SYT1: variants seen among roughly 807,000 people sequenced by gnomAD.
SYT1 encodes synaptotagmin 1, also known as synaptotagmin-1.
A neutral mutation model predicts 44.8 loss-of-function variants in SYT1; 8 were observed. The observed-to-expected ratio is 0.18, with a 90% CI of 0.10 to 0.32. The LOEUF is 0.32. Among genes scored for constraint, SYT1 ranks in the 10% least tolerant of loss-of-function variants. The pLI, the probability that SYT1 is intolerant of heterozygous loss-of-function variation, is 1.00. For missense variants in SYT1, 286 were observed against 509.3 expected (o/e 0.56, Z 4.22); for synonymous variants, 154 against 188.8 (o/e 0.82, Z 1.51).
chr12:78,882,063 A>C (rs1337371454), intron 1 of SYT1, among the ~76,000 whole-genome samples: 4 of 151,748 alleles, frequency 2.6e-5, no homozygotes, highest in African/African-American at 9.7e-5. Flanking sequence ...GCCACTAAGA[A>C]CATAAACCAT....
chr12:78,948,053 A>G (rs1306863688), intron 1 of SYT1, among the ~76,000 whole-genome samples: 1 of 151,886 alleles, frequency 6.6e-6, no homozygotes, highest in Non-Finnish European at 1.5e-5. Flanking sequence ...AGTTATGGAA[A>G]AAGATACAAA....
At chr12:79,248,094 C>G (rs985535289) in intron 4 of SYT1, among the ~76,000 whole-genome samples, 1 of 152,218 alleles carries the variant, frequency 6.6e-6, no homozygotes, top group African/African-American at 2.4e-5. Context: ...CCATTTAAAT[C>G]TTCCTTAGGA....
intron 3 of SYT1, among the ~76,000 whole-genome samples, chr12:79,113,081 C>T (rs552993056): frequency 2.0e-5 from 3 of 152,162 alleles, no homozygotes; most frequent in Non-Finnish European, 4.4e-5. Flanking sequence ...AAAATGTATT[C>T]GACATAAAAG....
At chr12:78,900,500 G>A (rs1592538089) in intron 1 of SYT1, among the ~76,000 whole-genome samples, 1 of 151,974 alleles carries the variant, frequency 6.6e-6, no homozygotes, top group South Asian at 2.1e-4. Flanking sequence ...ATGACAAGAT[G>A]CCAGCCATTA....
At chr12:79,007,758 G>T (rs769079368) in intron 2 of SYT1, among the ~76,000 whole-genome samples, 10 of 152,066 alleles carry the variant, frequency 6.6e-5, no homozygotes, top group Non-Finnish European at 1.3e-4. Flanking sequence ...AGATTTGAGA[G>T]CTCAATTCTC....
At chr12:79,050,986 T>C (rs546622582) in intron 3 of SYT1, among the ~76,000 whole-genome samples, 83 of 152,150 alleles carry the variant, frequency 5.5e-4, no homozygotes, top group Non-Finnish European at 1.0e-3. Context: ...TATTATCATT[T>C]ATATATGGCC....
At chr12:79,346,874 C>T (rs1882631156) in intron 8 of SYT1, among the ~76,000 whole-genome samples, 1 of 152,018 alleles carries the variant, frequency 6.6e-6, no homozygotes, top group Non-Finnish European at 1.5e-5. Context: ...GTATATAGTC[C>T]CTGCTCTTCT....
chr12:78,865,668 T>G (rs1873502101), intron 1 of SYT1, among the ~76,000 whole-genome samples: 1 of 151,918 alleles, frequency 6.6e-6, no homozygotes, highest in Non-Finnish European at 1.5e-5. Context: ...CAGTCCAGCT[T>G]GGGCTGTCAG....
At chr12:78,943,896 G>A (rs1362270093) in intron 1 of SYT1, among the ~76,000 whole-genome samples, 2 of 152,170 alleles carry the variant, frequency 1.3e-5, no homozygotes, top group Non-Finnish European at 2.9e-5. Flanking sequence ...TGCATCACAT[G>A]ATCCATCTGG....
chr12:79,306,187 G>C (rs1437949986), intron 8 of SYT1, among the ~76,000 whole-genome samples: 1 of 152,216 alleles, frequency 6.6e-6, no homozygotes, highest in East Asian at 1.9e-4. Context: ...ATATTTTCAA[G>C]TAGATTGGTT....
chr12:79,106,776 C>G (rs1485443867), intron 3 of SYT1, among the ~76,000 whole-genome samples: 2 of 151,684 alleles, frequency 1.3e-5, no homozygotes, highest in Non-Finnish European at 2.9e-5. Context: ...TTAAATGACT[C>G]TAGTCTTATG....
chr12:79,064,959 AG>A (rs1875690030), intron 3 of SYT1, among the ~76,000 whole-genome samples: 1 of 150,300 alleles, frequency 6.7e-6, no homozygotes, highest in Admixed American at 6.6e-5. Context: ...AAAGAAAGAA[AG>A]AAAGAAAGAA....
At chr12:78,994,486 CT>C (rs376614789) in intron 2 of SYT1, among the ~76,000 whole-genome samples, 3,136 of 130,590 alleles carry the variant, frequency 0.024, 50 homozygotes, top group Admixed American at 0.063. Context: ...TTTTCTTCTC[CT>C]TTTTTTTTTT....
intron 2 of SYT1, among the ~76,000 whole-genome samples, chr12:78,998,343 A>G (rs904583265): frequency 6.6e-6 from 1 of 152,178 alleles, no homozygotes; most frequent in Non-Finnish European, 1.5e-5. Flanking sequence ...TACTCATTGG[A>G]AGATAACCCT....
At chr12:79,301,261 T>A (rs1337952944) in intron 8 of SYT1, among the ~76,000 whole-genome samples, 4 of 152,150 alleles carry the variant, frequency 2.6e-5, no homozygotes, top group Non-Finnish European at 4.4e-5. Flanking sequence ...TCACACTTGT[T>A]ACTTTCACCT....
chr12:79,083,138 T>C (rs1031874038), intron 3 of SYT1, among the ~76,000 whole-genome samples: 2 of 152,050 alleles, frequency 1.3e-5, no homozygotes, highest in African/African-American at 2.4e-5. Context: ...AGATATTTCA[T>C]TGAGGAAAAA....
rs144371888 is a variant in SYT1, at chr12:79,036,981, A to G, written c.-83-10316A>G. 3.9e-5 allele frequency among the ~76,000 whole-genome samples: 6 copies of G among 151,950 alleles called. No homozygotes were observed. The East Asian group carries it at 1.2e-3, about 30-fold the overall frequency. ...TTGCCTAAGGTTATGGACTAAATAG[A>G]GGCATCAGAAATAGGATTATAAGAT... On this transcript the variant is annotated intron_variant, in intron 2 of 10. Transcript: ENST00000261205.
chr12:79,098,604 T>C (rs749487674), intron 3 of SYT1, among the ~76,000 whole-genome samples: 6 of 152,166 alleles, frequency 3.9e-5, no homozygotes, highest in Non-Finnish European at 7.4e-5. Flanking sequence ...TGTCCAGTTA[T>C]TCACTAAGAA....
rs953118716 is a variant in SYT1 at position 79,322,355 on chromosome 12, T to TA, written c.810+22812dup. On this transcript the variant is annotated intron_variant, in intron 8 of 10. Transcript: ENST00000261205. Reference sequence around the variant, plus strand: ...ATCTTCTGCACCTTATCTTTCCTTTTAAAAAAAACTCTGAGATTTACCACT... The same window carrying TA: ...ATCTTCTGCACCTTATCTTTCCTTTTAAAAAAAAACTCTGAGATTTACCACT... 1.1e-4 allele frequency among the ~76,000 whole-genome samples: 17 copies of TA among 152,124 alleles called. No homozygotes were observed. In the East Asian group the frequency reaches 2.9e-3, roughly 26 times the overall value.
Sources: gnomAD v4.1 joint callset for allele counts (sites outside exome capture counted in the v4.1 genomes callset) on GRCh38, gnomAD v4.1.1 for gene constraint, MANE v1.5 for transcripts, NCBI Gene and HGNC (gene_info 2026-07-23, HGNC 2026-07-21) for gene names.